Variants in PMM2 observed in about 807,000 individuals in gnomAD.
PMM2 encodes the protein mannose-6-phosphate isomerase.
Under a neutral mutation model 33.2 loss-of-function variants are expected in PMM2, and 35 were observed. That is an observed-to-expected ratio of 1.06 (90% CI 0.81 to 1.40). PMM2 has a LOEUF of 1.40. Ranked by LOEUF, PMM2 falls within the 40% of genes most tolerant of loss-of-function variation. The pLI is 0.00. For missense variants in PMM2, 386 were observed against 306.0 expected (o/e 1.26, Z -1.95); for synonymous variants, 153 against 114.7 (o/e 1.33, Z -2.13).
chr16:8,827,700 A>C (rs2060777680), intron 7 of PMM2, among the ~76,000 whole-genome samples: 21 of 126,242 alleles, frequency 1.7e-4, no homozygotes, highest in Admixed American at 7.1e-4. Context: ...CCAGCCCACA[A>C]AGGCCTTTTA....
intron 7 of PMM2, among the ~76,000 whole-genome samples, chr16:8,838,657 T>G (rs1041995220): frequency 1.3e-5 from 2 of 151,900 alleles, no homozygotes; most frequent in African/African-American, 2.4e-5. Context: ...GGATACAGTT[T>G]TGGATGAATT....
intron 1 of PMM2, 35 bp from the exon 2 acceptor site, chr16:8,801,764 C>T: frequency 7.9e-7 from 1 of 1,272,912 alleles, no homozygotes; most frequent in Non-Finnish European, 1.1e-6. Flanking sequence ...TATTGTGTGG[C>T]TTATGACTGT....
intron 7 of PMM2, among the ~76,000 whole-genome samples, chr16:8,828,885 T>G (rs1038032220): frequency 6.6e-6 from 1 of 152,216 alleles, no homozygotes; most frequent in African/African-American, 2.4e-5. Context: ...TATTAATGTG[T>G]GAATACTGAC....
At chr16:8,803,126 G>A (rs955025314) in intron 2 of PMM2, among the ~76,000 whole-genome samples, 2 of 152,120 alleles carry the variant, frequency 1.3e-5, no homozygotes, top group African/African-American at 4.8e-5. Flanking sequence ...TGACCTCTGT[G>A]TAAAATTACC....
chr16:8,813,628 A>G (rs1567160959), intron 7 of PMM2, among the ~76,000 whole-genome samples: 1 of 152,098 alleles, frequency 6.6e-6, no homozygotes, highest in African/African-American at 2.4e-5. Flanking sequence ...GCTGCCCCCA[A>G]GGGATGTCAG....
intron 7 of PMM2, among the ~76,000 whole-genome samples, chr16:8,836,820 A>G (rs1039942227): frequency 4.6e-5 from 7 of 152,026 alleles, no homozygotes; most frequent in African/African-American, 1.7e-4. Context: ...CTGGATTTTT[A>G]TATTTGATGA....
chr16:8,804,021 G>GTTTTTT (rs113764347), intron 2 of PMM2, among the ~76,000 whole-genome samples: 6 of 72,620 alleles, frequency 8.3e-5, no homozygotes, highest in African/African-American at 1.5e-4. Flanking sequence ...TTGTTTTTTG[G>GTTTTTT]GTTTTTTTTG....
intron 7 of PMM2, among the ~76,000 whole-genome samples, chr16:8,814,643 C>T (rs375234976): frequency 3.9e-5 from 6 of 152,320 alleles, no homozygotes; most frequent in South Asian, 2.1e-4. Flanking sequence ...GAAGGTCACA[C>T]GGCTAATGAC....
At chr16:8,839,776 T>C (rs192869793) in intron 7 of PMM2, among the ~76,000 whole-genome samples, 1 of 151,942 alleles carries the variant, frequency 6.6e-6, no homozygotes, top group South Asian at 2.1e-4. Flanking sequence ...GGTGAAAGAT[T>C]ACCTAGGGGA....
chr16:8,821,928 C>G (rs2141030188), intron 7 of PMM2, among the ~76,000 whole-genome samples: 1 of 152,364 alleles, frequency 6.6e-6, no homozygotes, highest in Non-Finnish European at 1.5e-5. Context: ...TCAGAGCAGG[C>G]TCTTGTCTCA....
chr16:8,797,845 C>CG lies in PMM2; in HGVS notation c.-38_-37insG, dbSNP rs1411154915. On this transcript the variant is annotated 5_prime_UTR_variant, in exon 1 of 8. Transcript: ENST00000268261. Reference sequence around the variant, plus strand: ...GAAGTTCCGGGCCGAGTTCCTCGTGCCAACGTGTCTTGTAAGGTGCGGCTA... The same window carrying CG: ...GAAGTTCCGGGCCGAGTTCCTCGTGCGCAACGTGTCTTGTAAGGTGCGGCTA... 2.2e-5 allele frequency: 36 copies of CG among 1,603,766 alleles called. No individual in the cohort carries two copies. Among genetic ancestry groups the CG allele is most frequent in the Non-Finnish European group, 3.0e-5 (35 of 1,175,202 alleles).
rs1366985706 is a variant in PMM2, at chr16:8,848,497, T to TCGGACCGGCTC, written c.*673_*683dup. ...AGTTTGCACCTCGGCTGGGCCGGAT[T>TCGGACCGGCTC]CGGACCGGCTCTGTGTTCACTACAC... On this transcript the variant is annotated 3_prime_UTR_variant, in exon 8 of 8. Transcript: ENST00000268261. 1 of 154,836 alleles carries TCGGACCGGCTC rather than the reference T, an allele frequency of 6.5e-6. No individual in the cohort carries two copies. The highest frequency in any genetic ancestry group is 2.4e-5 in the African/African-American group (1 of 41,454). 9.6% of individuals were successfully genotyped at this position (154,836 alleles called of 1,614,324 possible). A position where few individuals can be genotyped will look rare whatever the true frequency, so the allele number is the denominator to read the frequency against.
At chr16:8,827,898 GAT>G (rs1412978556) in intron 7 of PMM2, among the ~76,000 whole-genome samples, 1 of 27,768 alleles carries the variant, frequency 3.6e-5, no homozygotes, top group Non-Finnish European at 6.9e-5. Context: ...TGATATATAT[GAT>G]ATATATTATA....
At chr16:8,836,166 G>A (rs1033657320) in intron 7 of PMM2, among the ~76,000 whole-genome samples, 5 of 137,562 alleles carry the variant, frequency 3.6e-5, no homozygotes, top group East Asian at 2.2e-4. Context: ...TGTGGAGTGG[G>A]TAGCCTCCGT....
At chr16:8,834,572 A>C (rs2060831428) in intron 7 of PMM2, among the ~76,000 whole-genome samples, 1 of 152,152 alleles carries the variant, frequency 6.6e-6, no homozygotes, top group Non-Finnish European at 1.5e-5. Context: ...CAAATCTTCA[A>C]GCTTGATGTG....
chr16:8,829,706 G>A (rs767080842), intron 7 of PMM2, among the ~76,000 whole-genome samples: 3 of 152,156 alleles, frequency 2.0e-5, no homozygotes, highest in Non-Finnish European at 2.9e-5. Context: ...CCTCGAGGCA[G>A]CCCTGTCAAA....
chr16:8,844,453 C>T (rs1393243997), intron 7 of PMM2, among the ~76,000 whole-genome samples: 1 of 152,036 alleles, frequency 6.6e-6, no homozygotes, highest in East Asian at 1.9e-4. Flanking sequence ...AAAAGCGGGA[C>T]TTGCCGCTAA....
chr16:8,835,935 A>G (rs1220733056), intron 7 of PMM2, among the ~76,000 whole-genome samples: 1 of 151,768 alleles, frequency 6.6e-6, no homozygotes, highest in Non-Finnish European at 1.5e-5. Flanking sequence ...CGGCAATGAG[A>G]TGTAGCTGTA....
chr16:8,801,418 C>A (rs1225060384), intron 1 of PMM2, among the ~76,000 whole-genome samples: 1 of 152,200 alleles, frequency 6.6e-6, no homozygotes, highest in Non-Finnish European at 1.5e-5. Context: ...TACCTGTAAT[C>A]TCAGCACTTT....
Sources: allele counts gnomAD v4.1 joint callset (sites outside exome capture counted in the v4.1 genomes callset), GRCh38; gene constraint gnomAD v4.1.1; transcripts MANE v1.5; gene names NCBI Gene and HGNC (gene_info 2026-07-23, HGNC 2026-07-21).